TRHDE: variants seen among roughly 807,000 people sequenced by gnomAD.
TRHDE encodes thyrotropin-releasing hormone-degrading ectoenzyme.
TRHDE carries 72 observed loss-of-function variants against 125.7 expected under a neutral mutation model. The observed-to-expected ratio is 0.57, with a 90% CI of 0.47 to 0.70. The LOEUF (loss-of-function observed/expected upper bound fraction) is 0.70, where lower values mean the gene tolerates loss of function less well. TRHDE is among the 30% of genes least tolerant of loss of function. The probability of loss-of-function intolerance (pLI) is 0.00; values close to 1 mark genes in which losing one functional copy is unlikely to be tolerated. For synonymous variants in TRHDE, 509 were observed against 509.1 expected, an observed-to-expected ratio of 1.00 and a Z score of 0.00; for missense variants, 1,110 against 1,327.1, an observed-to-expected ratio of 0.84 and a Z score of 2.54.
At chr12:72,410,151 G>A (rs2135813340) in intron 3 of TRHDE, among the ~76,000 whole-genome samples, 1 of 151,956 alleles carries the variant, frequency 6.6e-6, no homozygotes, top group East Asian at 1.9e-4. Flanking sequence ...CAATGGTTTT[G>A]ACAGTTAAGT....
At chr12:72,534,370 C>T (rs1338756827) in intron 6 of TRHDE, among the ~76,000 whole-genome samples, 1 of 152,016 alleles carries the variant, frequency 6.6e-6, no homozygotes, top group East Asian at 1.9e-4. Context: ...AGTTTCTTAT[C>T]TTTGTTTTCT....
At chr12:72,570,453 C>G (rs1024735860) in intron 10 of TRHDE, among the ~76,000 whole-genome samples, 11 of 151,706 alleles carry the variant, frequency 7.3e-5, no homozygotes, top group African/African-American at 2.2e-4. Flanking sequence ...TGGTGGTGGG[C>G]ACCTATAATC....
At chr12:72,521,957 A>C (rs566529092) in intron 6 of TRHDE, among the ~76,000 whole-genome samples, 2 of 152,308 alleles carry the variant, frequency 1.3e-5, no homozygotes, top group African/African-American at 4.8e-5. Flanking sequence ...GCATGTTTTG[A>C]GATAGTTACG....
chr12:72,131,997 G>T (rs1395737171), intron 2 of TRHDE, among the ~76,000 whole-genome samples: 1 of 152,158 alleles, frequency 6.6e-6, no homozygotes, highest in Non-Finnish European at 1.5e-5. Context: ...ACCTACTATA[G>T]AGCTTATTTG....
intron 2 of TRHDE, among the ~76,000 whole-genome samples, chr12:72,374,987 T>C (rs951618815): frequency 6.6e-6 from 1 of 152,078 alleles, no homozygotes; most frequent in Non-Finnish European, 1.5e-5. Context: ...CTGGAAACCA[T>C]AGCTGGAGGA....
intron 12 of TRHDE, among the ~76,000 whole-genome samples, chr12:72,580,035 C>A (rs1962706): frequency 6.6e-6 from 1 of 151,864 alleles, no homozygotes; most frequent in Admixed American, 6.6e-5. Flanking sequence ...TACATATTTC[C>A]ATTCAATATA....
chr12:72,478,272 A>G (rs1163075750), intron 5 of TRHDE, among the ~76,000 whole-genome samples: 1 of 152,158 alleles, frequency 6.6e-6, no homozygotes, highest in Non-Finnish European at 1.5e-5. Context: ...TCAGTTGCTT[A>G]AAAGTGACAT....
intron 3 of TRHDE, among the ~76,000 whole-genome samples, chr12:72,391,995 T>C (rs913968189): frequency 1.3e-5 from 2 of 152,156 alleles, no homozygotes; most frequent in African/African-American, 4.8e-5. Context: ...AATCCTAATG[T>C]GATAGAACTA....
intron 3 of TRHDE, among the ~76,000 whole-genome samples, chr12:72,424,983 T>A (rs1874122732): frequency 6.6e-6 from 1 of 152,168 alleles, no homozygotes. Flanking sequence ...AAAAATGTGC[T>A]ATGAAACCAT....
intron 2 of TRHDE, among the ~76,000 whole-genome samples, chr12:72,135,389 T>A (rs1875961211): frequency 6.6e-6 from 1 of 152,156 alleles, no homozygotes; most frequent in Non-Finnish European, 1.5e-5. Context: ...GGTCTTTCCA[T>A]TGGTGACATG....
At chr12:72,165,026 G>A (rs1876714136) in intron 2 of TRHDE, among the ~76,000 whole-genome samples, 1 of 152,106 alleles carries the variant, frequency 6.6e-6, no homozygotes, top group Admixed American at 6.6e-5. Flanking sequence ...TGATCTTGGG[G>A]CCCTAGGAAT....
intron 9 of TRHDE, among the ~76,000 whole-genome samples, chr12:72,563,262 C>T (rs1387265386): frequency 6.6e-6 from 1 of 152,052 alleles, no homozygotes; most frequent in Non-Finnish European, 1.5e-5. Context: ...TTTAGGAAGA[C>T]AGAATTTTAA....
intron 3 of TRHDE, among the ~76,000 whole-genome samples, chr12:72,422,681 A>G (rs1026261506): frequency 3.3e-5 from 5 of 152,160 alleles, no homozygotes; most frequent in Non-Finnish European, 7.4e-5. Flanking sequence ...CAGCTTCTTG[A>G]CCTTCTGAGT....
In TRHDE at chr12:72,324,442, C is replaced by T. The variant is rs1366138126; in HGVS notation, c.1188+37488C>T. On this transcript the variant is annotated intron_variant, in intron 2 of 18. Coordinates refer to ENST00000261180, the MANE Select transcript of TRHDE (RefSeq NM_013381.3). ...GCAAAGGAGAAATGGGCCTTTCACT[C>T]AGAGGTAAAAACGTCATGAAGGATA... Among the ~76,000 whole-genome samples the T allele has an allele frequency of 6.6e-5, 10 of 151,918 alleles. No individual in the cohort carries two copies. In the East Asian group the frequency reaches 1.7e-3, roughly 26 times the overall value.
chr12:72,170,984 TACTC>T (rs1156386254), intron 2 of TRHDE, among the ~76,000 whole-genome samples: 3 of 152,154 alleles, frequency 2.0e-5, no homozygotes, highest in Admixed American at 2.0e-4. Flanking sequence ...CTCCAGATAA[TACTC>T]AACCAAGAAG....
At chr12:72,384,129 G>T (rs1198011906) in intron 3 of TRHDE, among the ~76,000 whole-genome samples, 1 of 152,094 alleles carries the variant, frequency 6.6e-6, no homozygotes, top group Non-Finnish European at 1.5e-5. Flanking sequence ...AATGACTCAG[G>T]CTTATACTGT....
chr12:72,542,283 TC>T lies in TRHDE; in HGVS notation c.1723-6del. ...AAATTCTGTTCTTTTTATTATTCTT[TC>T]CTATAGGGTGCTGCTTTAATAAGAA... is the stretch of plus-strand genomic sequence containing the variant. On this transcript the variant is annotated splice_polypyrimidine_tract_variant and splice_region_variant and intron_variant, in intron 6 of 18. Coordinates refer to ENST00000261180, the MANE Select transcript of TRHDE (RefSeq NM_013381.3). 1 of 1,593,942 alleles carries T rather than the reference TC, an allele frequency of 6.3e-7. No homozygotes were observed. Among genetic ancestry groups the T allele is most frequent in the Non-Finnish European group, 8.6e-7 (1 of 1,168,088 alleles).
chr12:72,329,537 C>A (rs930042229), intron 2 of TRHDE, among the ~76,000 whole-genome samples: 1 of 152,104 alleles, frequency 6.6e-6, no homozygotes, highest in East Asian at 1.9e-4. Flanking sequence ...ATTTTAAAGG[C>A]AAGTAAATGG....
intron 2 of TRHDE, among the ~76,000 whole-genome samples, chr12:72,113,096 C>A (rs916939422): frequency 2.0e-5 from 3 of 152,244 alleles, no homozygotes; most frequent in African/African-American, 7.2e-5. Context: ...TGGTTCACTG[C>A]AGCCTTGACC....
Sources: gnomAD v4.1 joint callset for allele counts (sites outside exome capture counted in the v4.1 genomes callset) on GRCh38, gnomAD v4.1.1 for gene constraint, MANE v1.5 for transcripts, NCBI Gene and HGNC (gene_info 2026-07-23, HGNC 2026-07-21) for gene names.